CDKAL1: variants seen among roughly 807,000 people sequenced by gnomAD.
CDKAL1 encodes the protein threonylcarbamoyladenosine tRNA methylthiotransferase.
Under a neutral mutation model 68.2 loss-of-function variants are expected in CDKAL1, and 32 were observed. The observed-to-expected ratio is 0.47, with a 90% CI of 0.35 to 0.63. CDKAL1 has a LOEUF of 0.63. Among genes scored for constraint, CDKAL1 ranks in the 30% least tolerant of loss-of-function variants. CDKAL1 has a pLI of 0.00. For synonymous variants in CDKAL1, 234 were observed against 244.3 expected, an observed-to-expected ratio of 0.96 and a Z score of 0.39; for missense variants, 606 against 696.7, an observed-to-expected ratio of 0.87 and a Z score of 1.47.
chr6:21,162,111 G>A (rs973211094), intron 13 of CDKAL1, among the ~76,000 whole-genome samples: 10 of 152,274 alleles, frequency 6.6e-5, no homozygotes, highest in African/African-American at 2.2e-4. Context: ...CTGGTAGAGA[G>A]GGAAGAGATT....
intron 8 of CDKAL1, among the ~76,000 whole-genome samples, chr6:20,818,327 A>T (rs1399411894): frequency 6.6e-6 from 1 of 152,162 alleles, no homozygotes; most frequent in East Asian, 1.9e-4. Context: ...TGTTACTCAC[A>T]TACTATACAG....
chr6:20,743,788 G>C (rs1231606692), intron 6 of CDKAL1, among the ~76,000 whole-genome samples: 2 of 152,162 alleles, frequency 1.3e-5, no homozygotes, highest in Non-Finnish European at 2.9e-5. Flanking sequence ...TGTAACCTCT[G>C]CACTTCTCCC....
At chr6:20,646,307 G>A (rs533490415) in intron 4 of CDKAL1, among the ~76,000 whole-genome samples, 5 of 151,116 alleles carry the variant, frequency 3.3e-5, no homozygotes, top group African/African-American at 7.3e-5. Context: ...CAGCCACCTC[G>A]GCCTCCCAAA....
intron 6 of CDKAL1, chr6:20,756,870 T>TCCCC (rs1554115764): frequency 1.9e-5 from 1 of 53,092 alleles, no homozygotes; most frequent in African/African-American, 7.6e-5. Flanking sequence ...CTTCCTTCCT[T>TCCCC]CCTTCCTTCC....
chr6:20,922,501 C>T (rs1763002922), intron 9 of CDKAL1, among the ~76,000 whole-genome samples: 1 of 152,056 alleles, frequency 6.6e-6, no homozygotes, highest in South Asian at 2.1e-4. Context: ...AGGATAGATA[C>T]GTGTATGGGT....
intron 5 of CDKAL1, among the ~76,000 whole-genome samples, chr6:20,723,168 G>A (rs1409061744): frequency 2.6e-5 from 4 of 152,170 alleles, no homozygotes; most frequent in Non-Finnish European, 5.9e-5. Context: ...ACCACTGTCC[G>A]TGGACAGTGG....
At chr6:21,088,808 G>C (rs1772839637) in intron 12 of CDKAL1, among the ~76,000 whole-genome samples, 1 of 152,094 alleles carries the variant, frequency 6.6e-6, no homozygotes, top group Admixed American at 6.5e-5. Context: ...CAGGTGTTAT[G>C]GCAGGCGCCT....
chr6:20,649,154 T>A (rs767809045), intron 4 of CDKAL1, 139 bp from the exon 5 acceptor site: 1 of 623,884 alleles, frequency 1.6e-6, no homozygotes, highest in Admixed American at 3.4e-5. Context: ...TTCTAGCAAT[T>A]TTCTACTGTG....
chr6:20,874,509 G>T (rs957417413), intron 9 of CDKAL1, among the ~76,000 whole-genome samples: 1 of 151,480 alleles, frequency 6.6e-6, no homozygotes, highest in African/African-American at 2.4e-5. Flanking sequence ...TTGTTTGTTT[G>T]TTTGTTTATT....
rs145713205 is a variant in CDKAL1, at chr6:21,212,709, T to C, written c.1548+11435T>C. Among the ~76,000 whole-genome samples the C allele has an allele frequency of 4.1e-3, 619 of 152,324 alleles. 4 individuals carry two copies. Among genetic ancestry groups the C allele is most frequent in the African/African-American group, 0.014 (590 of 41,570 alleles). ...TAATGTTTAAAATTTTTTTCATTAT[T>C]TTTAAATTTTTATGTATTTAGGGGG... On this transcript the variant is annotated intron_variant, in intron 15 of 15. Transcript: ENST00000274695.
chr6:20,940,915 C>T (rs1000947086), intron 9 of CDKAL1, among the ~76,000 whole-genome samples: 4 of 151,926 alleles, frequency 2.6e-5, no homozygotes, highest in African/African-American at 4.8e-5. Flanking sequence ...ACAGTGAAAC[C>T]GCGTCTCTAC....
At chr6:20,733,448 AAC>A (rs1470027167) in intron 5 of CDKAL1, among the ~76,000 whole-genome samples, 1 of 152,220 alleles carries the variant, frequency 6.6e-6, no homozygotes, top group East Asian at 1.9e-4. Flanking sequence ...ATTTGGAGGA[AAC>A]AGACTTTATT....
At chr6:21,087,485 G>T (rs1251065593) in intron 12 of CDKAL1, among the ~76,000 whole-genome samples, 1 of 152,116 alleles carries the variant, frequency 6.6e-6, no homozygotes, top group African/African-American at 2.4e-5. Flanking sequence ...ATAAGCCACT[G>T]CTCCTGGCCA....
chr6:20,960,780 A>C (rs1256472218), intron 10 of CDKAL1, among the ~76,000 whole-genome samples: 4 of 152,250 alleles, frequency 2.6e-5, no homozygotes, highest in African/African-American at 7.2e-5. Flanking sequence ...CTCATGAGTC[A>C]CATTTCTGTG....
rs1325044508 is a variant in CDKAL1 at position 20,539,543 on chromosome 6, G to A, written c.-6+4149G>A. Among the ~76,000 whole-genome samples the A allele has an allele frequency of 6.6e-6, 1 of 152,188 alleles. No individual in the cohort carries two copies. Among genetic ancestry groups the A allele is most frequent in the Non-Finnish European group, 1.5e-5 (1 of 68,032 alleles). ...TCCTCTCTTGTTACACTTGAGCAAAGTCCTTAAGGGCTTGAGTGAGTGAGC... is the reference window on the plus strand; with the variant it reads ...TCCTCTCTTGTTACACTTGAGCAAAATCCTTAAGGGCTTGAGTGAGTGAGC... On this transcript the variant is annotated intron_variant, in intron 2 of 15. Transcript: ENST00000274695. This position sits in a 1 kb window ranked among gnomAD's most constrained non-coding sequence, Gnocchi z 4.3.
chr6:20,760,241 A>G (rs1161683827), intron 7 of CDKAL1, among the ~76,000 whole-genome samples: 1 of 152,166 alleles, frequency 6.6e-6, no homozygotes, highest in East Asian at 1.9e-4. Context: ...TGGCCTCCAA[A>G]AGTGCTGGAA....
chr6:21,226,689 T>G (rs1163893170), intron 15 of CDKAL1, among the ~76,000 whole-genome samples: 1 of 152,190 alleles, frequency 6.6e-6, no homozygotes, highest in East Asian at 1.9e-4. Flanking sequence ...CCAGCTTGTT[T>G]TTTTTGTTGT....
At chr6:21,123,114 GT>G (rs1774811798) in intron 13 of CDKAL1, among the ~76,000 whole-genome samples, 1 of 152,068 alleles carries the variant, frequency 6.6e-6, no homozygotes, top group Non-Finnish European at 1.5e-5. Flanking sequence ...GATAGCCCAG[GT>G]TTTCTGGCTA....
At chr6:20,714,053 GACTTAT>G (rs1470381215) in intron 5 of CDKAL1, among the ~76,000 whole-genome samples, 2 of 151,924 alleles carry the variant, frequency 1.3e-5, no homozygotes, top group East Asian at 1.9e-4. Flanking sequence ...TGTCAAGATA[GACTTAT>G]ACTTAAGAAA....
Sources: allele counts gnomAD v4.1 joint callset (sites outside exome capture counted in the v4.1 genomes callset), GRCh38; gene constraint gnomAD v4.1.1; non-coding constraint Gnocchi (gnomAD v3.1); transcripts MANE v1.5; gene names NCBI Gene and HGNC (gene_info 2026-07-23, HGNC 2026-07-21).